Variants in NIPBL observed in about 807,000 individuals in gnomAD.
NIPBL encodes the protein NIPBL cohesin loading factor.
NIPBL carries 19 observed loss-of-function variants against 321.8 expected under a neutral mutation model. That is an observed-to-expected ratio of 0.06 (90% CI 0.04 to 0.09). The LOEUF is 0.09. NIPBL is among the 10% of genes least tolerant of loss of function. The pLI is 1.00. For missense variants in NIPBL, 2,210 were observed against 3,327.0 expected, an observed-to-expected ratio of 0.66 and a Z score of 8.26; for synonymous variants, 1,106 against 1,114.1, an observed-to-expected ratio of 0.99 and a Z score of 0.14.
At chr5:37,000,926 T>C in intron 13 of NIPBL, 38 bp downstream of exon 13, 1 of 1,589,774 alleles carries the variant, frequency 6.3e-7, no homozygotes, top group Non-Finnish European at 8.6e-7. Flanking sequence ...TTTATTCATA[T>C]TCTTCAGCTT....
At position 36,975,958 on chromosome 5, in the gene NIPBL, C is replaced by T; in HGVS notation, c.1051C>T (p.Pro351Ser). The T allele has an allele frequency of 6.2e-7, 1 of 1,613,946 alleles. No homozygotes were observed. The highest frequency in any genetic ancestry group is 1.1e-5 in the South Asian group (1 of 91,070). ...GGCAATGTATGATATAATTAGTTCT[C>T]CATCCAAGGACTCTACTAAACTTAC... ...KAAMYDIISS[P>S]SKDSTKLTLR... Residue 351 changes from proline (P) to serine (S), a missense_variant, in exon 9 of 47, where the codon CCA becomes TCA. Coordinates refer to ENST00000282516, the MANE Select transcript of NIPBL (RefSeq NM_133433.4).
chr5:36,908,529 A>G (rs535605326), intron 1 of NIPBL, among the ~76,000 whole-genome samples: 1 of 152,314 alleles, frequency 6.6e-6, no homozygotes, highest in African/African-American at 2.4e-5. Context: ...TACAATTATT[A>G]TCTAGTTATC....
chr5:36,899,352 TGTG>T (rs1256653802), intron 1 of NIPBL, among the ~76,000 whole-genome samples: 1 of 152,202 alleles, frequency 6.6e-6, no homozygotes, highest in Non-Finnish European at 1.5e-5. Flanking sequence ...AAAAGTGTAA[TGTG>T]ATTGTCTTAT....
intron 20 of NIPBL, among the ~76,000 whole-genome samples, chr5:37,009,639 G>T (rs1747866998): frequency 6.6e-6 from 1 of 152,150 alleles, no homozygotes; most frequent in African/African-American, 2.4e-5. Flanking sequence ...TGTGGAAATT[G>T]ATTTTTTATA....
intron 25 of NIPBL, among the ~76,000 whole-genome samples, 171 bp downstream of exon 25, chr5:37,019,571 T>G (rs1200300018): frequency 6.6e-6 from 1 of 152,202 alleles, no homozygotes; most frequent in Non-Finnish European, 1.5e-5. Flanking sequence ...TGGGTTGATT[T>G]GTCTTATATG....
chr5:36,916,049 C>G (rs1013039703), intron 1 of NIPBL, among the ~76,000 whole-genome samples: 4 of 152,174 alleles, frequency 2.6e-5, no homozygotes, highest in African/African-American at 9.6e-5. Flanking sequence ...TGGAAATGAA[C>G]TGTCTTTGTC....
rs186564621 is a variant in NIPBL, at chr5:36,901,474, G to A, written c.-80+24296G>A. ...TGAGTATATACTCAGCAGTAGGATT[G>A]CTGGGTTGCATGGTCCTTCTAAGTC... On this transcript the variant is annotated intron_variant, in intron 1 of 46. Coordinates refer to ENST00000282516, the MANE Select transcript of NIPBL (RefSeq NM_133433.4). Among the ~76,000 whole-genome samples, 6 of 144,538 alleles carry A rather than the reference G, an allele frequency of 4.2e-5. No homozygotes were observed. The East Asian group carries it at 1.2e-3, about 29-fold the overall frequency. 94.8% of individuals were successfully genotyped at this position (144,538 alleles called of 152,430 possible).
At chr5:36,914,059 A>C (rs1007202944) in intron 1 of NIPBL, among the ~76,000 whole-genome samples, 1 of 152,198 alleles carries the variant, frequency 6.6e-6, no homozygotes, top group African/African-American at 2.4e-5. Flanking sequence ...ATATCTGTAC[A>C]CCTGGAACAT....
chr5:36,950,149 C>A (rs1482949832), intron 1 of NIPBL, among the ~76,000 whole-genome samples: 1 of 151,786 alleles, frequency 6.6e-6, no homozygotes, highest in East Asian at 1.9e-4. Context: ...GTGAGCAGGC[C>A]CAAGACTATG....
Position 36,985,547 on chromosome 5 carries a change from C to G in NIPBL, c.2367C>G (p.Asp789Glu), listed in dbSNP as rs1178618457. ...AACATAAACAAGATACTAAATCTGA[C>G]TCACCTCGGTTAAAATCAGAACGAG... ...VSKHKQDTKS[D>E]SPRLKSERAE... The change falls in exon 10 of 47, where the codon GAC becomes GAG. Residue 789 changes from aspartate (D) to glutamate (E), a missense_variant. By Grantham distance (45) the Asp-to-Glu change is conservative. Transcript: ENST00000282516. The G allele has an allele frequency of 3.7e-6, 6 of 1,613,670 alleles. No individual in the cohort carries two copies. The Admixed American group carries it at 8.3e-5, about 22-fold the overall frequency.
chr5:36,940,027 C>T (rs2149582125), intron 1 of NIPBL, among the ~76,000 whole-genome samples: 1 of 152,280 alleles, frequency 6.6e-6, no homozygotes, highest in East Asian at 1.9e-4. Context: ...GTTTTCATTT[C>T]ATAAATACCC....
Position 37,000,540 on chromosome 5 carries a change from G to A in NIPBL, c.3472G>A (p.Asp1158Asn). 1 of 1,613,416 alleles carries A rather than the reference G, an allele frequency of 6.2e-7. No individual in the cohort carries two copies. Residue 1158 changes from aspartate (D) to asparagine (N), a missense_variant, in exon 12 of 47, where the codon GAT becomes AAT. Coordinates refer to ENST00000282516, the MANE Select transcript of NIPBL (RefSeq NM_133433.4). ...NRSPSDSDME[D>N]YSPPPSLSEV... ...AAGTCCGTCAGATTCTGACATGGAA[G>A]ATTATTCTCCTCCTCCCAGCCTTAG...
At chr5:37,030,919 C>CT (rs11291612) in intron 32 of NIPBL, among the ~76,000 whole-genome samples, 3,442 of 82,264 alleles carry the variant, frequency 0.042, 77 homozygotes, top group Non-Finnish European at 0.056. Context: ...CATGTTTAGC[C>CT]TTTTTTTTTT....
chr5:37,056,504 T>A (rs1394569966), intron 42 of NIPBL, among the ~76,000 whole-genome samples: 1 of 152,208 alleles, frequency 6.6e-6, no homozygotes, highest in Non-Finnish European at 1.5e-5. Context: ...ATCATAATTT[T>A]TCTCTTAAAT....
intron 22 of NIPBL, 86 bp downstream of exon 22, chr5:37,014,851 T>C (rs1748748172): frequency 1.2e-6 from 1 of 816,802 alleles, no homozygotes; most frequent in Non-Finnish European, 2.1e-6. Flanking sequence ...TCCAATTTCC[T>C]GCCATAATCT....
intron 1 of NIPBL, among the ~76,000 whole-genome samples, chr5:36,882,395 A>T (rs752375412): frequency 6.6e-6 from 1 of 151,948 alleles, no homozygotes; most frequent in Non-Finnish European, 1.5e-5. Context: ...GAAAAGTTGA[A>T]TATGAAATTG....
intron 1 of NIPBL, among the ~76,000 whole-genome samples, chr5:36,890,948 A>G (rs1052237535): frequency 1.3e-5 from 2 of 152,142 alleles, no homozygotes; most frequent in South Asian, 2.1e-4. Flanking sequence ...CTCAGGAGCT[A>G]TTAAGGCATT....
intron 10 of NIPBL, among the ~76,000 whole-genome samples, chr5:36,991,295 A>T (rs1164886874): frequency 6.6e-6 from 1 of 152,124 alleles, no homozygotes; most frequent in Admixed American, 6.5e-5. Flanking sequence ...CTCCTACTTT[A>T]TACAGTTATA....
At chr5:36,978,134 A>G (rs1743714755) in intron 9 of NIPBL, among the ~76,000 whole-genome samples, 1 of 151,966 alleles carries the variant, frequency 6.6e-6, no homozygotes. Context: ...TAGTGGGATT[A>G]CTAGGTCAAA....
Sources: allele counts gnomAD v4.1 joint callset (sites outside exome capture counted in the v4.1 genomes callset), GRCh38; gene constraint gnomAD v4.1.1; transcripts MANE v1.5; gene names NCBI Gene and HGNC (gene_info 2026-07-23, HGNC 2026-07-21).